The following ATG5 variants were observed in gnomAD, a reference collection of about 807,000 sequenced individuals.
ATG5 encodes the protein autophagy protein 5.
In ATG5, 14 loss-of-function variants were observed where a neutral mutation model predicts 36.5. The observed-to-expected ratio is 0.38, with a 90% confidence interval of 0.25 to 0.60. The LOEUF (loss-of-function observed/expected upper bound fraction) is 0.60. Ranked by LOEUF, ATG5 falls within the 20% of genes least tolerant of loss-of-function variation. The probability of loss-of-function intolerance (pLI) is 0.60; values close to 1 mark genes in which losing one functional copy is unlikely to be tolerated. For missense variants in ATG5, 195 were observed against 326.7 expected, an observed-to-expected ratio of 0.60 and a Z score of 3.11; for synonymous variants, 95 against 101.5, an observed-to-expected ratio of 0.94 and a Z score of 0.38.
chr6:106,223,291 A>G (rs899050022), intron 6 of ATG5, among the ~76,000 whole-genome samples: 2 of 152,228 alleles, frequency 1.3e-5, no homozygotes, highest in African/African-American at 4.8e-5. Context: ...TATCTGCTGG[A>G]AAAAGCAACT....
intron 7 of ATG5, among the ~76,000 whole-genome samples, chr6:106,187,859 A>G (rs1003275035): frequency 6.6e-6 from 1 of 152,178 alleles, no homozygotes; most frequent in Non-Finnish European, 1.5e-5. Flanking sequence ...TCAACAGAGG[A>G]CACAAAATAC....
chr6:106,317,608 T>C (rs1770901211), intron 1 of ATG5, among the ~76,000 whole-genome samples: 1 of 151,862 alleles, frequency 6.6e-6, no homozygotes, highest in Non-Finnish European at 1.5e-5. Flanking sequence ...TCCAGCATAC[T>C]ACTAGTGTTT....
intron 5 of ATG5, among the ~76,000 whole-genome samples, chr6:106,254,271 C>T (rs893409886): frequency 6.6e-6 from 1 of 152,132 alleles, no homozygotes; most frequent in Admixed American, 6.5e-5. Context: ...TATACCATCA[C>T]TCTATTTTAT....
intron 5 of ATG5, among the ~76,000 whole-genome samples, chr6:106,263,939 C>T (rs950177458): frequency 1.1e-4 from 17 of 151,030 alleles, no homozygotes; most frequent in African/African-American, 4.1e-4. Context: ...TGCCTCTTCT[C>T]CAAATGATCT....
intron 3 of ATG5, among the ~76,000 whole-genome samples, chr6:106,295,547 T>C (rs528669711): frequency 1.3e-5 from 2 of 151,928 alleles, no homozygotes; most frequent in East Asian, 3.9e-4. Flanking sequence ...AAGCAATCTA[T>C]AATATAAAAT....
chr6:106,320,105 G>T (rs1481665002), intron 1 of ATG5, among the ~76,000 whole-genome samples: 1 of 152,146 alleles, frequency 6.6e-6, no homozygotes, highest in Non-Finnish European at 1.5e-5. Flanking sequence ...CTAAAATCTT[G>T]TAGCTAATAA....
chr6:106,312,649 CACACACACACAT>C (rs1770693267), intron 2 of ATG5, among the ~76,000 whole-genome samples: 2 of 138,396 alleles, frequency 1.4e-5, no homozygotes, highest in Admixed American at 1.6e-4. Context: ...CACACACACA[CACACACACACAT>C]AAAAACCAGA....
intron 6 of ATG5, among the ~76,000 whole-genome samples, chr6:106,216,184 TC>T (rs1777033549): frequency 6.6e-6 from 1 of 152,162 alleles, no homozygotes; most frequent in African/African-American, 2.4e-5. Context: ...TGGAAAACAG[TC>T]TGACAATACC....
chr6:106,191,143 A>G (rs1416452577), intron 7 of ATG5, among the ~76,000 whole-genome samples: 1 of 152,238 alleles, frequency 6.6e-6, no homozygotes, highest in Non-Finnish European at 1.5e-5. Context: ...ATATACATAT[A>G]TATGAGCTGA....
chr6:106,297,167 G>GA (rs1450323923), intron 3 of ATG5, among the ~76,000 whole-genome samples: 4 of 152,066 alleles, frequency 2.6e-5, no homozygotes, highest in African/African-American at 9.7e-5. Context: ...GTCATCAACA[G>GA]AAAAAACTTC....
chr6:106,294,013 A>G (rs1270959914), intron 3 of ATG5, among the ~76,000 whole-genome samples: 1 of 151,328 alleles, frequency 6.6e-6, no homozygotes, highest in Non-Finnish European at 1.5e-5. Flanking sequence ...TCATATTCTT[A>G]CCATTTGAGC....
At chr6:106,207,037 A>G (rs184277614) in intron 6 of ATG5, among the ~76,000 whole-genome samples, 94 of 152,358 alleles carry the variant, frequency 6.2e-4, no homozygotes, top group African/African-American at 2.2e-3. Flanking sequence ...ATCTTGCCAC[A>G]TATTTGTAAA....
rs150581590 is a variant in ATG5, at chr6:106,293,375, A to T, written c.237-269T>A. ...AAAGGCATTCTTTATCAGCCATGTG[A>T]ACTGTTATGTCACAGTACTGTTGCA... On this transcript the variant is annotated intron_variant, in intron 3 of 7. Coordinates refer to ENST00000369076, the MANE Select transcript of ATG5 (RefSeq NM_004849.4). 1.9e-3 allele frequency among the ~76,000 whole-genome samples: 291 copies of T among 152,324 alleles called. 1 individual carries two copies. Among genetic ancestry groups the T allele is most frequent in the East Asian group, 9.1e-3 (47 of 5,184 alleles).
intron 6 of ATG5, among the ~76,000 whole-genome samples, chr6:106,205,830 C>T (rs1202508722): frequency 2.0e-5 from 3 of 152,226 alleles, no homozygotes; most frequent in Admixed American, 6.5e-5. Context: ...ATGGTAAAAA[C>T]AAGAAAATGC....
intron 7 of ATG5, among the ~76,000 whole-genome samples, chr6:106,196,548 A>AC (rs372307438): frequency 3.3e-5 from 5 of 152,124 alleles, no homozygotes; most frequent in African/African-American, 1.2e-4. Context: ...ACATGGTGAA[A>AC]CCCCGTCTCT....
chr6:106,214,824 A>C (rs1482078922), intron 6 of ATG5, among the ~76,000 whole-genome samples: 2 of 152,118 alleles, frequency 1.3e-5, no homozygotes, highest in Non-Finnish European at 2.9e-5. Context: ...TTACAGAACA[A>C]ATGGTATTGC....
intron 7 of ATG5, among the ~76,000 whole-genome samples, chr6:106,198,232 C>T (rs1239691587): frequency 6.6e-6 from 1 of 152,106 alleles, no homozygotes; most frequent in Non-Finnish European, 1.5e-5. Context: ...ACTTAACTAT[C>T]TCTAAAGATA....
intron 2 of ATG5, among the ~76,000 whole-genome samples, chr6:106,311,971 C>G (rs758412800): frequency 8.5e-5 from 13 of 152,074 alleles, no homozygotes; most frequent in Non-Finnish European, 1.5e-4. Context: ...GCTGGGATTA[C>G]AGGTGTCCAC....
rs375796282 is a variant in ATG5, at chr6:106,317,991, T to A, written c.-58-1725A>T. Among the ~76,000 whole-genome samples the A allele has an allele frequency of 3.3e-5, 5 of 152,314 alleles. No individual in the cohort carries two copies. In the East Asian group the frequency reaches 9.6e-4, roughly 29 times the overall value. On this transcript the variant is annotated intron_variant, in intron 1 of 7. Coordinates refer to ENST00000369076, the MANE Select transcript of ATG5 (RefSeq NM_004849.4). ...AACAGCTGCAACTGAGATTCACCTT[T>A]TGATGATGAAGAGAAAAATAATTTG...
Sources: allele counts gnomAD v4.1 joint callset (sites outside exome capture counted in the v4.1 genomes callset), GRCh38; gene constraint gnomAD v4.1.1; transcripts MANE v1.5; gene names NCBI Gene and HGNC (gene_info 2026-07-23, HGNC 2026-07-21).